Variants in DIP2C observed in about 807,000 individuals in gnomAD.
The protein encoded by DIP2C is DIP2 acetate--CoA ligase C (putative).
A neutral mutation model predicts 192.4 loss-of-function variants in DIP2C; 33 were observed. The ratio of observed to expected loss-of-function variants is 0.17; its 90% CI spans 0.13 to 0.23. The LOEUF is 0.23. DIP2C is among the 10% of genes least tolerant of loss of function. The pLI is 1.00. For missense variants in DIP2C, 1,537 were observed against 2,110.1 expected, an observed-to-expected ratio of 0.73 and a Z score of 5.32; for synonymous variants, 979 against 864.1, an observed-to-expected ratio of 1.13 and a Z score of -2.33.
chr10:543,167 G>A (rs1382030831), intron 1 of DIP2C, among the ~76,000 whole-genome samples: 2 of 152,228 alleles, frequency 1.3e-5, no homozygotes, highest in Non-Finnish European at 2.9e-5. Flanking sequence ...GTCTTCGCAA[G>A]GATCGTGTTC....
intron 1 of DIP2C, among the ~76,000 whole-genome samples, chr10:608,238 C>G (rs1246770289): frequency 4.1e-5 from 1 of 24,302 alleles, no homozygotes; most frequent in Non-Finnish European, 6.5e-5. Flanking sequence ...CCCACAGCCC[C>G]CCCCACACAC....
chr10:337,087 A>G (rs1278478707), intron 29 of DIP2C, among the ~76,000 whole-genome samples: 13 of 35,452 alleles, frequency 3.7e-4, no homozygotes, highest in Admixed American at 1.5e-3. Flanking sequence ...GGAGGCCTAG[A>G]CTGGTGTGTG....
intron 1 of DIP2C, among the ~76,000 whole-genome samples, chr10:557,530 T>C (rs1192977477): frequency 3.3e-5 from 5 of 150,816 alleles, no homozygotes; most frequent in African/African-American, 1.2e-4. Context: ...GACATCACGT[T>C]TCTCAAAGCC....
intron 3 of DIP2C, among the ~76,000 whole-genome samples, chr10:446,220 GAA>G (rs1295803672): frequency 2.7e-5 from 4 of 150,564 alleles, no homozygotes; most frequent in African/African-American, 4.9e-5. Context: ...CATCTGTTGT[GAA>G]AAGTCTCACA....
chr10:495,201 T>C (rs1334218383), intron 1 of DIP2C, among the ~76,000 whole-genome samples: 1 of 152,136 alleles, frequency 6.6e-6, no homozygotes, highest in East Asian at 1.9e-4. Context: ...CAGAGTGGAA[T>C]AGGGGTTAGC....
chr10:422,011 C>A (rs1966219977), intron 5 of DIP2C, among the ~76,000 whole-genome samples: 1 of 150,804 alleles, frequency 6.6e-6, no homozygotes, highest in Non-Finnish European at 1.5e-5. Context: ...TATTTAATCA[C>A]AATGACGTGC....
At chr10:288,563 G>C in intron 32 of DIP2C, 142 bp from the exon 33 acceptor site, 1 of 843,372 alleles carries the variant, frequency 1.2e-6, no homozygotes, top group Non-Finnish European at 1.9e-6. Context: ...CGAAGCTGCA[G>C]AAAGAGCAGC....
intron 29 of DIP2C, among the ~76,000 whole-genome samples, chr10:333,908 T>C (rs764252575): frequency 2.0e-5 from 3 of 152,226 alleles, no homozygotes; most frequent in Non-Finnish European, 4.4e-5. Context: ...TAACGCTAGG[T>C]ATCTTTTCAC....
intron 1 of DIP2C, among the ~76,000 whole-genome samples, chr10:526,499 G>A (rs1024846512): frequency 6.9e-6 from 1 of 144,520 alleles, no homozygotes; most frequent in African/African-American, 2.6e-5. Context: ...CGTATCCGCT[G>A]TTTTTCTGTC....
intron 1 of DIP2C, among the ~76,000 whole-genome samples, chr10:505,973 G>A (rs536618696): frequency 5.2e-4 from 79 of 152,332 alleles, no homozygotes; most frequent in African/African-American, 1.9e-3. Flanking sequence ...GAGAAGTAAA[G>A]AAGCTGAGAA....
At position 349,315 on chromosome 10, in the gene DIP2C, C is replaced by A; in HGVS notation, c.3109+16G>T. 1.3e-6 allele frequency: 2 copies of A among 1,596,214 alleles called. No homozygotes were observed. The highest frequency in any genetic ancestry group is 2.2e-5 in the East Asian group (1 of 44,574). On this transcript the variant is annotated intron_variant, in intron 25 of 36. Coordinates refer to ENST00000280886, the MANE Select transcript of DIP2C (RefSeq NM_014974.3). ...GGCTTGCCATCTCTCAGGGGAAGCC[C>A]ACCCTGCGCCTGTACCTGGGGGGTA...
intron 24 of DIP2C, among the ~76,000 whole-genome samples, chr10:353,248 T>G (rs766697262): frequency 6.6e-6 from 1 of 152,112 alleles, no homozygotes; most frequent in Non-Finnish European, 1.5e-5. Flanking sequence ...TTGGGACCAT[T>G]TTAACGTTTC....
chr10:494,643 G>A (rs1478777560), intron 1 of DIP2C, among the ~76,000 whole-genome samples: 1 of 152,178 alleles, frequency 6.6e-6, no homozygotes, highest in East Asian at 1.9e-4. Flanking sequence ...TCAATATGCA[G>A]CATGAGAAAG....
chr10:524,644 C>G (rs1353399282), intron 1 of DIP2C, among the ~76,000 whole-genome samples: 2 of 152,150 alleles, frequency 1.3e-5, no homozygotes, highest in Non-Finnish European at 2.9e-5. Flanking sequence ...AAAACATTCT[C>G]TAAGTATTAG....
intron 1 of DIP2C, among the ~76,000 whole-genome samples, chr10:578,838 C>T (rs1282569505): frequency 2.0e-5 from 3 of 152,032 alleles, no homozygotes; most frequent in Non-Finnish European, 4.4e-5. Flanking sequence ...ACATCCAGAT[C>T]CATATAGTGT....
chr10:643,174 C>T (rs377156649), intron 1 of DIP2C, among the ~76,000 whole-genome samples: 36 of 145,152 alleles, frequency 2.5e-4, no homozygotes, highest in African/African-American at 3.4e-4. Flanking sequence ...CCCAAGATCG[C>T]GCCACTGCAC....
At chr10:549,254 C>T (rs1848466770) in intron 1 of DIP2C, among the ~76,000 whole-genome samples, 1 of 152,004 alleles carries the variant, frequency 6.6e-6, no homozygotes, top group African/African-American at 2.4e-5. Context: ...GACCTTTTTT[C>T]CCCAATTGCC....
At chr10:620,312 C>T (rs55672066) in intron 1 of DIP2C, among the ~76,000 whole-genome samples, 4,672 of 152,166 alleles carry the variant, frequency 0.031, 104 homozygotes, top group Admixed American at 0.045. Context: ...GTTTGGAAGG[C>T]GCCTTATCAT....
At chr10:507,021 G>A (rs1322959356) in intron 1 of DIP2C, among the ~76,000 whole-genome samples, 4 of 151,798 alleles carry the variant, frequency 2.6e-5, no homozygotes, top group East Asian at 3.9e-4. Flanking sequence ...ACGATAAGAG[G>A]TGTGAGGTCA....
Sources: gnomAD v4.1 joint callset for allele counts (sites outside exome capture counted in the v4.1 genomes callset) on GRCh38, gnomAD v4.1.1 for gene constraint, MANE v1.5 for transcripts, NCBI Gene and HGNC (gene_info 2026-07-23, HGNC 2026-07-21) for gene names.